The following C4orf50 variants were observed in gnomAD, a reference collection of about 807,000 sequenced individuals.
C4orf50 encodes uncharacterized protein C4orf50.
In C4orf50, 80 loss-of-function variants were observed where a neutral mutation model predicts 77.2. The observed-to-expected ratio is 1.04, with a 90% CI of 0.87 to 1.25. C4orf50 has a LOEUF of 1.25. Among genes scored for constraint, C4orf50 ranks in the 50% most tolerant of loss-of-function variants. The pLI is 0.00. For missense variants in C4orf50, 1,257 were observed against 1,152.9 expected, an observed-to-expected ratio of 1.09 and a Z score of -1.31; for synonymous variants, 532 against 465.3, an observed-to-expected ratio of 1.14 and a Z score of -1.84.
At position 5,932,435 on chromosome 4, in the gene C4orf50, C is replaced by T. The variant is rs949322390; in HGVS notation, c.*2474+24466G>A. On this transcript the variant is annotated intron_variant, in intron 7 of 7. Transcript: ENST00000324058. This position sits in a 1 kb window ranked among gnomAD's most constrained non-coding sequence, Gnocchi z 4.2. ...TCATCTACCTGGAGAAGGAAGGCAT[C>T]AGACTGTGGTGGGAACATTACAGTG... 6.6e-6 allele frequency among the ~76,000 whole-genome samples: 1 copy of T among 152,114 alleles called. No homozygotes were observed. Among genetic ancestry groups the T allele is most frequent in the Admixed American group, 6.5e-5 (1 of 15,288 alleles).
At chr4:5,980,285 C>T in exon 29 of C4orf50, 1 of 1,613,020 alleles carries the variant, frequency 6.2e-7, no homozygotes, top group Non-Finnish European at 8.5e-7. Flanking sequence ...GATGGAGCTG[C>T]TGGGCCCGCA....
chr4:5,903,859 G>A (rs1196934391), intron 7 of C4orf50: 1 of 152,166 alleles, frequency 6.6e-6, no homozygotes, highest in Non-Finnish European at 1.5e-5. Context: ...GTGGCACAGA[G>A]CTCATTCACA....
chr4:5,985,805 TA>T (rs1261482889), intron 28 of C4orf50, among the ~76,000 whole-genome samples: 1 of 151,884 alleles, frequency 6.6e-6, no homozygotes, highest in Admixed American at 6.6e-5. Context: ...ACATTTCTAC[TA>T]AAAAACACAA....
intron 7 of C4orf50, among the ~76,000 whole-genome samples, chr4:5,910,992 G>A (rs1319790859): frequency 2.2e-5 from 3 of 136,104 alleles, no homozygotes; most frequent in South Asian, 2.4e-4. Flanking sequence ...TGCAAGCTCC[G>A]CCTCCCGGGT....
At chr4:5,977,106 G>C (rs1486455211) in intron 29 of C4orf50, among the ~76,000 whole-genome samples, 1 of 152,224 alleles carries the variant, frequency 6.6e-6, no homozygotes, top group African/African-American at 2.4e-5. Flanking sequence ...ACCCTGCAGA[G>C]GGGGCAGGAT....
At chr4:5,927,096 G>A (rs1390954097) in intron 7 of C4orf50, among the ~76,000 whole-genome samples, 1 of 152,216 alleles carries the variant, frequency 6.6e-6, no homozygotes, top group African/African-American at 2.4e-5. Flanking sequence ...GTCAGATGGT[G>A]GTGACCACAA....
In C4orf50 at chr4:6,015,773, T is replaced by C. The variant is rs1722660660; in HGVS notation, c.287+2372A>G. Among the ~76,000 whole-genome samples, 1 of 152,168 alleles carries C rather than the reference T, an allele frequency of 6.6e-6. No individual in the cohort carries two copies. Among genetic ancestry groups the C allele is most frequent in the South Asian group, 2.1e-4 (1 of 4,820 alleles). On this transcript the variant is annotated intron_variant, in intron 23 of 33. Transcript: ENST00000531445. This position sits in a 1 kb window ranked among gnomAD's most constrained non-coding sequence, Gnocchi z 4.4. The stretch of plus-strand genomic sequence containing the variant: ...GTCTAGAGCTGCATTCCTGGGCTCC[T>C]GGCCCTGCCTTCATCTTTGGAGCCA...
chr4:6,005,777 A>T (rs1167704854), intron 25 of C4orf50, among the ~76,000 whole-genome samples: 3 of 152,190 alleles, frequency 2.0e-5, no homozygotes, highest in Non-Finnish European at 1.5e-5. Flanking sequence ...CCAGATAACC[A>T]TCTTCAAGAA....
At chr4:5,955,984 A>C (rs1718940234), downstream of C4orf50, among the ~76,000 whole-genome samples, 3 of 152,200 alleles carry the variant, frequency 2.0e-5, no homozygotes, top group Admixed American at 2.0e-4. The surrounding 1 kb of genome is among the most constrained non-coding windows in gnomAD (Gnocchi z 5.1). Context: ...GCCAAGGCCA[A>C]CAAAATGACA....
At chr4:5,925,598 G>A (rs1474535015) in intron 7 of C4orf50, among the ~76,000 whole-genome samples, 1 of 152,236 alleles carries the variant, frequency 6.6e-6, no homozygotes, top group African/African-American at 2.4e-5. Context: ...CTTTCACCAA[G>A]CATAACACTG....
chr4:5,955,165 A>G (rs1718897711), downstream of C4orf50, among the ~76,000 whole-genome samples: 1 of 152,158 alleles, frequency 6.6e-6, no homozygotes, highest in Non-Finnish European at 1.5e-5. The surrounding 1 kb of genome is among the most constrained non-coding windows in gnomAD (Gnocchi z 5.1). Flanking sequence ...CATGGAGATA[A>G]AGCAGTGGCG....
At chr4:5,953,514 T>A (rs1718817613), downstream of C4orf50, among the ~76,000 whole-genome samples, 1 of 152,182 alleles carries the variant, frequency 6.6e-6, no homozygotes, top group Non-Finnish European at 1.5e-5. Flanking sequence ...GTGCTGGGAC[T>A]ATTTGGTGAT....
At chr4:5,965,132 G>C in exon 33 of C4orf50, 6 of 1,612,854 alleles carry the variant, frequency 3.7e-6, no homozygotes, top group Non-Finnish European at 5.1e-6. Flanking sequence ...CAGGATTCAA[G>C]AGGTATGTCT....
At chr4:6,004,664 T>G (rs202239842) in intron 25 of C4orf50, among the ~76,000 whole-genome samples, 3 of 110,938 alleles carry the variant, frequency 2.7e-5, no homozygotes, top group Non-Finnish European at 3.7e-5. Flanking sequence ...GGTGATGATG[T>G]GATGGTGATG....
chr4:5,942,997 C>G (rs1718327112), intron 7 of C4orf50, among the ~76,000 whole-genome samples: 1 of 152,008 alleles, frequency 6.6e-6, no homozygotes, highest in Non-Finnish European at 1.5e-5. Context: ...TTTTTATAAG[C>G]AGAAAAATGT....
intron 7 of C4orf50, among the ~76,000 whole-genome samples, chr4:5,926,671 G>C (rs1047245498): frequency 6.6e-6 from 1 of 151,730 alleles, no homozygotes; most frequent in Non-Finnish European, 1.5e-5. Context: ...CTGTGTCCCC[G>C]GGCCCACAGA....
intron 25 of C4orf50, among the ~76,000 whole-genome samples, chr4:5,997,712 G>A (rs915408243): frequency 3.9e-5 from 6 of 152,184 alleles, no homozygotes; most frequent in African/African-American, 1.4e-4. Context: ...ATGTGTTAGA[G>A]GCCCTTCTGG....
rs1312209323 is a variant in C4orf50, at chr4:5,990,068, A to T, written c.1978T>A (p.Ser660Thr). ...GGTGCCACTTCCTCATTCTCTGATGACAGTCCTCCTCGGAGACCCCAGACG... is the reference window on the plus strand; with the variant it reads ...GGTGCCACTTCCTCATTCTCTGATGTCAGTCCTCCTCGGAGACCCCAGACG... The change falls in exon 28 of 34, where the codon TCA (serine) becomes ACA (threonine). Residue 660 changes from serine (S) to threonine (T), a missense_variant. Physicochemically the swap from Ser to Thr is moderately conservative, Grantham distance 58. Coordinates refer to ENST00000531445, the Ensembl canonical transcript of C4orf50. The T allele has an allele frequency of 4.5e-6, 6 of 1,340,826 alleles. No individual in the cohort carries two copies. The African/African-American group carries it at 5.8e-5, about 13-fold the overall frequency. The allele number at this position is 1,340,826 out of a possible 1,614,324, so 83.1% of individuals were successfully genotyped here. A position where few individuals can be genotyped will look rare whatever the true frequency, so the allele number is the denominator to read the frequency against.
chr4:5,997,071 G>A lies in C4orf50; in HGVS notation c.964-2595C>T, dbSNP rs576907615. The stretch of plus-strand genomic sequence containing the variant: ...AAGGAGAGGGAATAGGATAGGGAAA[G>A]GAAGAGACAGAAATTCAAAGTGAAA... On this transcript the variant is annotated intron_variant, in intron 25 of 33. Transcript: ENST00000531445. Among the ~76,000 whole-genome samples the A allele has an allele frequency of 2.0e-3, 306 of 152,314 alleles. 1 individual carries two copies. The highest frequency in any genetic ancestry group is 5.8e-3 in the African/African-American group (241 of 41,566).
Sources: allele counts gnomAD v4.1 joint callset (sites outside exome capture counted in the v4.1 genomes callset), GRCh38; gene constraint gnomAD v4.1.1; non-coding constraint Gnocchi (gnomAD v3.1); transcripts MANE v1.5; gene names NCBI Gene and HGNC (gene_info 2026-07-23, HGNC 2026-07-21).